The following ADORA1 variants were observed in gnomAD, a reference collection of about 807,000 sequenced individuals.
ADORA1 encodes adenosine receptor A1.
Under a neutral mutation model 19.9 loss-of-function variants are expected in ADORA1, and 6 were observed. The observed-to-expected ratio is 0.30, with a 90% CI of 0.17 to 0.59. The LOEUF is 0.59. ADORA1 is among the 20% of genes least tolerant of loss of function. The pLI is 0.87. For missense variants in ADORA1, 302 were observed against 439.2 expected, an observed-to-expected ratio of 0.69 and a Z score of 2.79; for synonymous variants, 194 against 188.4, an observed-to-expected ratio of 1.03 and a Z score of -0.24.
chr1:203,150,663 T>C, intron 3 of ADORA1: 1 of 1,289,808 alleles, frequency 7.8e-7, no homozygotes. Flanking sequence ...TGAGTTCTGA[T>C]GCAGCAGGAA....
chr1:203,150,951 C>G (rs1362935546), intron 3 of ADORA1, among the ~76,000 whole-genome samples: 1 of 152,182 alleles, frequency 6.6e-6, no homozygotes, highest in African/African-American at 2.4e-5. Flanking sequence ...TCAAGAGGCA[C>G]CTCCTCTTGT....
At chr1:203,164,955 G>C (rs1354270111) in intron 3 of ADORA1, 2 of 1,357,040 alleles carry the variant, frequency 1.5e-6, no homozygotes, top group Non-Finnish European at 2.0e-6. Context: ...GCACATGGGA[G>C]CAATTTTTAC....
intron 3 of ADORA1, among the ~76,000 whole-genome samples, chr1:203,148,558 C>T (rs1558132892): frequency 6.6e-6 from 1 of 152,214 alleles, no homozygotes; most frequent in Non-Finnish European, 1.5e-5. Flanking sequence ...TGTTTTGTCA[C>T]CCTGAGCCTT....
intron 3 of ADORA1, among the ~76,000 whole-genome samples, chr1:203,151,821 C>CA (rs1553268501): frequency 6.7e-6 from 1 of 149,566 alleles, no homozygotes; most frequent in Non-Finnish European, 1.5e-5. Flanking sequence ...TTCATTCATT[C>CA]TTATACTCAA....
intron 3 of ADORA1, among the ~76,000 whole-genome samples, chr1:203,163,600 A>G (rs1655439535): frequency 1.3e-5 from 2 of 152,114 alleles, no homozygotes; most frequent in Admixed American, 1.3e-4. Context: ...TCTAGTCCTC[A>G]ATTTCTTCAC....
intron 3 of ADORA1, among the ~76,000 whole-genome samples, chr1:203,136,253 C>A (rs1447225198): frequency 6.6e-6 from 1 of 152,142 alleles, no homozygotes. Context: ...GAAGGAGAGG[C>A]AGATGGGTGG....
rs1654212957 is a variant in ADORA1, at chr1:203,128,242, G to T, written c.-212-36G>T. On this transcript the variant is annotated intron_variant, in intron 1 of 3. Transcript: ENST00000337894. The surrounding 1 kb of genome is among the most constrained non-coding windows in gnomAD (Gnocchi z 5.9). ...CGCTACCTCTTTAAAAGCGTCCGGG[G>T]CTGAGTCTCTGCCGTACCATGTGAT... 9.2e-7 allele frequency: 1 copy of T among 1,090,340 alleles called. No individual in the cohort carries two copies. Among genetic ancestry groups the T allele is most frequent in the Non-Finnish European group, 1.2e-6 (1 of 831,760 alleles). The allele number at this position is 1,090,340 out of a possible 1,614,324, so 67.5% of individuals were successfully genotyped here.
At chr1:203,134,805 T>C (rs369568394) in intron 3 of ADORA1, among the ~76,000 whole-genome samples, 22 of 151,758 alleles carry the variant, frequency 1.4e-4, no homozygotes, top group East Asian at 3.8e-4. Context: ...CACACACACA[T>C]ATATATAGAT....
intron 3 of ADORA1, among the ~76,000 whole-genome samples, chr1:203,134,181 C>T (rs1315930549): frequency 3.3e-5 from 5 of 152,158 alleles, no homozygotes; most frequent in Admixed American, 1.3e-4. Context: ...CGCAAGATTA[C>T]TTGGCTGGGA....
chr1:203,161,344 C>A (rs890075943), intron 3 of ADORA1, among the ~76,000 whole-genome samples: 4 of 152,174 alleles, frequency 2.6e-5, no homozygotes, highest in Non-Finnish European at 5.9e-5. Context: ...GTGGCTCATA[C>A]CTGTAATTCC....
chr1:203,143,479 C>A (rs1431991728), intron 3 of ADORA1, among the ~76,000 whole-genome samples: 1 of 152,172 alleles, frequency 6.6e-6, no homozygotes, highest in Non-Finnish European at 1.5e-5. Context: ...CCCCTCCCCC[C>A]ACCCACCACC....
At chr1:203,140,415 G>A (rs1000450230) in intron 3 of ADORA1, among the ~76,000 whole-genome samples, 1 of 152,224 alleles carries the variant, frequency 6.6e-6, no homozygotes, top group Non-Finnish European at 1.5e-5. Context: ...GCCACTGGGT[G>A]GATGGTGATG....
intron 3 of ADORA1, among the ~76,000 whole-genome samples, chr1:203,134,644 C>T (rs1018839122): frequency 1.3e-5 from 2 of 152,122 alleles, no homozygotes; most frequent in Non-Finnish European, 2.9e-5. Flanking sequence ...AGGGGCCGCA[C>T]CCTGACATTT....
rs34226911 is a variant in ADORA1 at position 203,151,788 on chromosome 1, GCATTCATT to G, written c.342-13447_342-13440del. Among the ~76,000 whole-genome samples the G allele has an allele frequency of 2.4e-3, 361 of 151,322 alleles. 1 individual carries two copies. Among genetic ancestry groups the G allele is most frequent in the African/African-American group, 7.9e-3 (325 of 41,200 alleles). On this transcript the variant is annotated intron_variant, in intron 3 of 3. Transcript: ENST00000337894. ...CCCACAGCACACTTCATGCATGCAT[GCATTCATT>G]CATTCATTCATTCATTCATTCATTC...
chr1:203,166,672 C>T lies in ADORA1; in HGVS notation c.*772C>T, dbSNP rs1655567384. On this transcript the variant is annotated 3_prime_UTR_variant, in exon 4 of 4. Transcript: ENST00000337894. Reference sequence around the variant, plus strand: ...CTCAAACAGCCACGAGGTGGTAGCTCTGAGCCCTCCTTCTTGCCCTGAGCT... The same window carrying T: ...CTCAAACAGCCACGAGGTGGTAGCTTTGAGCCCTCCTTCTTGCCCTGAGCT... 6.6e-6 allele frequency: 1 copy of T among 151,522 alleles called. No homozygotes were observed. The highest frequency in any genetic ancestry group is 2.4e-5 in the African/African-American group (1 of 41,074). The allele number at this position is 151,522 out of a possible 1,614,324, so 9.4% of individuals were successfully genotyped here. A position where few individuals can be genotyped will look rare whatever the true frequency, so the allele number is the denominator to read the frequency against.
intron 3 of ADORA1, among the ~76,000 whole-genome samples, chr1:203,148,547 G>T (rs1487324008): frequency 1.3e-5 from 2 of 152,232 alleles, no homozygotes; most frequent in East Asian, 3.8e-4. Context: ...GCCTGTCACA[G>T]TGTTTTGTCA....
chr1:203,163,511 T>C (rs943391195), intron 3 of ADORA1, among the ~76,000 whole-genome samples: 1 of 152,048 alleles, frequency 6.6e-6, no homozygotes, highest in Non-Finnish European at 1.5e-5. Flanking sequence ...CAAGGCCCCT[T>C]GGTGGTGGTG....
intron 3 of ADORA1, among the ~76,000 whole-genome samples, chr1:203,136,822 C>T (rs1050658491): frequency 2.6e-5 from 4 of 152,224 alleles, no homozygotes; most frequent in African/African-American, 4.8e-5. Context: ...GTCCCTACAC[C>T]GGGCCCTGGT....
chr1:203,141,451 C>G (rs764126221), intron 3 of ADORA1, among the ~76,000 whole-genome samples: 1 of 152,082 alleles, frequency 6.6e-6, no homozygotes, highest in Non-Finnish European at 1.5e-5. Flanking sequence ...CTCCTTTTCT[C>G]TATTCCAACA....
Sources: gnomAD v4.1 joint callset for allele counts (sites outside exome capture counted in the v4.1 genomes callset) on GRCh38, gnomAD v4.1.1 for gene constraint, Gnocchi (gnomAD v3.1) non-coding constraint, MANE v1.5 for transcripts, NCBI Gene and HGNC (gene_info 2026-07-23, HGNC 2026-07-21) for gene names.